The following THSD4 variants were observed in gnomAD, a reference collection of about 807,000 sequenced individuals.
The protein encoded by THSD4 is thrombospondin type 1 domain containing 4.
THSD4 carries 69 observed loss-of-function variants against 119.0 expected under a neutral mutation model. The observed-to-expected ratio is 0.58, with a 90% confidence interval of 0.48 to 0.71. The LOEUF is 0.71. Among genes scored for constraint, THSD4 ranks in the 30% least tolerant of loss-of-function variants. THSD4 has a pLI of 0.00. For synonymous variants in THSD4, 524 were observed against 540.4 expected, an observed-to-expected ratio of 0.97 and a Z score of 0.42; for missense variants, 1,393 against 1,391.1, an observed-to-expected ratio of 1.00 and a Z score of -0.02.
intron 6 of THSD4, among the ~76,000 whole-genome samples, chr15:71,296,271 C>T (rs2044861741): frequency 6.6e-6 from 1 of 152,190 alleles, no homozygotes; most frequent in Non-Finnish European, 1.5e-5. Context: ...ACATTCCCAT[C>T]AACAATAGAT....
intron 7 of THSD4, among the ~76,000 whole-genome samples, chr15:71,543,915 C>T (rs1382707913): frequency 6.6e-6 from 1 of 152,156 alleles, no homozygotes; most frequent in African/African-American, 2.4e-5. Context: ...GTAATCCCAG[C>T]TACTCGGGAG....
At chr15:71,115,095 C>G (rs943261406), upstream of THSD4, 1 of 152,532 alleles carries the variant, frequency 6.6e-6, no homozygotes, top group East Asian at 1.9e-4. The surrounding 1 kb of genome is among the most constrained non-coding windows in gnomAD (Gnocchi z 4.4). Context: ...CGCGTCCGTC[C>G]CCTGCCCCAG....
intron 6 of THSD4, among the ~76,000 whole-genome samples, chr15:71,384,065 T>C (rs2046262500): frequency 6.6e-6 from 1 of 152,172 alleles, no homozygotes; most frequent in African/African-American, 2.4e-5. Flanking sequence ...AGGGCAGAGC[T>C]CATTAACAAA....
Position 71,779,896 on chromosome 15 carries a change from AGAG to A in THSD4, c.*2524_*2526del, listed in dbSNP as rs1394548333. On this transcript the variant is annotated 3_prime_UTR_variant, in exon 18 of 18. Transcript: ENST00000261862. ...AGCTGTTCTTGGAGTTCATCTCTGG[AGAG>A]GTTATACATTATTAGAAGTTTGATT... 3 of 150,616 alleles carry A rather than the reference AGAG, an allele frequency of 2.0e-5. No homozygotes were observed. Among genetic ancestry groups the A allele is most frequent in the African/African-American group, 7.3e-5 (3 of 40,938 alleles). 9.3% of individuals were successfully genotyped at this position (150,616 alleles called of 1,614,324 possible).
At chr15:71,727,587 T>TATATAC (rs2052882975) in intron 8 of THSD4, among the ~76,000 whole-genome samples, 6 of 9,280 alleles carry the variant, frequency 6.5e-4, no homozygotes, top group African/African-American at 1.5e-3. Flanking sequence ...TATATATATA[T>TATATAC]ACACACACAC....
chr15:71,383,513 G>A (rs1309075736), intron 6 of THSD4, among the ~76,000 whole-genome samples: 1 of 152,224 alleles, frequency 6.6e-6, no homozygotes. Context: ...ATTTAAACCA[G>A]TGTCTTTTCC....
intron 4 of THSD4, among the ~76,000 whole-genome samples, chr15:71,223,264 A>G (rs896260618): frequency 1.3e-5 from 2 of 152,218 alleles, no homozygotes; most frequent in African/African-American, 4.8e-5. Context: ...GTGCGACATC[A>G]TGCTCCTTTC....
At position 71,268,008 on chromosome 15, in the gene THSD4, G is replaced by T. The variant is rs150769315; in HGVS notation, c.1015+11293G>T. 9.5e-3 allele frequency among the ~76,000 whole-genome samples: 1,445 copies of T among 152,152 alleles called. 8 individuals are homozygous for T. Among genetic ancestry groups the T allele is most frequent in the Middle Eastern group, 0.017 (5 of 294 alleles). On this transcript the variant is annotated intron_variant, in intron 6 of 17. Transcript: ENST00000261862. Reference sequence around the variant, plus strand: ...GGACTTAGACTCCCACACAATAATAGTGGGAGACTTTAACACCCCACTGTC... The same window carrying T: ...GGACTTAGACTCCCACACAATAATATTGGGAGACTTTAACACCCCACTGTC...
Position 71,437,285 on chromosome 15 carries a change from A to C in THSD4, c.1152+25462A>C, listed in dbSNP as rs541975774. On this transcript the variant is annotated intron_variant, in intron 7 of 17. Coordinates refer to ENST00000261862, the MANE Select transcript of THSD4 (RefSeq NM_024817.3). ...TCCCATGGTCCAAACACTTGCCACT[A>C]GGCTCTACCTCCAACACTGGGGATC... 3.3e-5 allele frequency among the ~76,000 whole-genome samples: 5 copies of C among 152,370 alleles called. No individual in the cohort carries two copies. The East Asian group carries it at 9.6e-4, about 29-fold the overall frequency.
At chr15:71,487,655 A>G (rs1363435813) in intron 7 of THSD4, among the ~76,000 whole-genome samples, 1 of 152,240 alleles carries the variant, frequency 6.6e-6, no homozygotes, top group African/African-American at 2.4e-5. Context: ...ATCATGTTAA[A>G]TGGTATATAA....
rs560450949 is a variant in THSD4, at chr15:71,655,111, A to G, written c.1153-5419A>G. Among the ~76,000 whole-genome samples, 5 of 152,340 alleles carry G rather than the reference A, an allele frequency of 3.3e-5. No individual in the cohort carries two copies. In the East Asian group the frequency reaches 9.6e-4, roughly 29 times the overall value. ...AATTTTCCTACAACGTGTTGCAGAA[A>G]TCACTGGAAAAAATACAAAGGACAT... On this transcript the variant is annotated intron_variant, in intron 7 of 17. Transcript: ENST00000261862.
intron 6 of THSD4, among the ~76,000 whole-genome samples, chr15:71,328,635 A>C (rs1235722110): frequency 1.3e-5 from 2 of 152,124 alleles, no homozygotes; most frequent in African/African-American, 4.8e-5. Context: ...TTCAGTTGGA[A>C]CTTTTTTTAG....
At chr15:71,492,945 C>T (rs1761657473) in intron 7 of THSD4, among the ~76,000 whole-genome samples, 2 of 151,210 alleles carry the variant, frequency 1.3e-5, no homozygotes, top group Non-Finnish European at 2.9e-5. Flanking sequence ...GGGTTAATCA[C>T]TGTAATGAGG....
intron 7 of THSD4, among the ~76,000 whole-genome samples, chr15:71,438,863 C>G (rs900579213): frequency 6.6e-6 from 1 of 152,146 alleles, no homozygotes; most frequent in Non-Finnish European, 1.5e-5. Context: ...TTGGAAAAGC[C>G]ACCTGTATTT....
chr15:71,585,012 C>T (rs1217787340), intron 7 of THSD4, among the ~76,000 whole-genome samples: 1 of 152,112 alleles, frequency 6.6e-6, no homozygotes, highest in African/African-American at 2.4e-5. Context: ...ATTGATATTA[C>T]AATTTATAAC....
chr15:71,261,112 G>A (rs1274648238), intron 6 of THSD4, among the ~76,000 whole-genome samples: 1 of 152,172 alleles, frequency 6.6e-6, no homozygotes, highest in African/African-American at 2.4e-5. Context: ...TCTTTGGAAA[G>A]AGGGTCTTTG....
chr15:71,626,480 A>T (rs1471377966), intron 7 of THSD4, among the ~76,000 whole-genome samples: 1 of 152,214 alleles, frequency 6.6e-6, no homozygotes, highest in East Asian at 1.9e-4. Context: ...TTTCAGATTC[A>T]TAATGTGCCC....
intron 7 of THSD4, among the ~76,000 whole-genome samples, chr15:71,600,561 C>G (rs763711923): frequency 6.6e-6 from 1 of 152,120 alleles, no homozygotes; most frequent in African/African-American, 2.4e-5. Context: ...CACACCCAAC[C>G]ATTTTCAGTG....
At chr15:71,605,785 T>C (rs1409226150) in intron 7 of THSD4, among the ~76,000 whole-genome samples, 1 of 152,196 alleles carries the variant, frequency 6.6e-6, no homozygotes, top group East Asian at 1.9e-4. Flanking sequence ...GATGTAAATG[T>C]AGTATTCAAT....
Sources: gnomAD v4.1 joint callset for allele counts (sites outside exome capture counted in the v4.1 genomes callset) on GRCh38, gnomAD v4.1.1 for gene constraint, Gnocchi (gnomAD v3.1) non-coding constraint, MANE v1.5 for transcripts, NCBI Gene and HGNC (gene_info 2026-07-23, HGNC 2026-07-21) for gene names.